TBC1D4: variants seen among roughly 807,000 people sequenced by gnomAD.
TBC1D4 encodes the protein TBC1 domain family member 4.
TBC1D4 carries 121 observed loss-of-function variants against 142.5 expected under a neutral mutation model. The observed-to-expected ratio is 0.85, with a 90% CI of 0.73 to 0.99. The LOEUF (loss-of-function observed/expected upper bound fraction) is 0.99, where lower values mean the gene tolerates loss of function less well. TBC1D4 is among the 50% of genes least tolerant of loss of function. TBC1D4 has a pLI of 0.00. For missense variants in TBC1D4, 1,475 were observed against 1,606.6 expected (o/e 0.92, Z 1.40); for synonymous variants, 630 against 628.2 (o/e 1.00, Z -0.04).
intron 8 of TBC1D4, among the ~76,000 whole-genome samples, chr13:75,329,731 C>A (rs1286584717): frequency 1.3e-5 from 2 of 152,154 alleles, no homozygotes; most frequent in African/African-American, 4.8e-5. Context: ...ATGTACATGT[C>A]CATAAATGTC....
chr13:75,456,329 T>C (rs1231486984), intron 1 of TBC1D4, among the ~76,000 whole-genome samples: 3 of 152,188 alleles, frequency 2.0e-5, no homozygotes, highest in African/African-American at 7.2e-5. Context: ...GACTGATAAA[T>C]TGTATTTCAT....
intron 1 of TBC1D4, among the ~76,000 whole-genome samples, chr13:75,425,381 T>C (rs1886336594): frequency 6.6e-6 from 1 of 152,172 alleles, no homozygotes; most frequent in Non-Finnish European, 1.5e-5. Context: ...TTGGCCAGGA[T>C]GTAAATTAGT....
At chr13:75,430,005 G>A (rs1367454681) in intron 1 of TBC1D4, among the ~76,000 whole-genome samples, 1 of 152,148 alleles carries the variant, frequency 6.6e-6, no homozygotes, top group Non-Finnish European at 1.5e-5. Flanking sequence ...GAATGAGCAA[G>A]ACTAGATAAA....
chr13:75,365,379 A>T (rs1424547354), intron 1 of TBC1D4, among the ~76,000 whole-genome samples: 1 of 151,352 alleles, frequency 6.6e-6, no homozygotes, highest in Non-Finnish European at 1.5e-5. Flanking sequence ...GAGTATAAAC[A>T]CTAGCATTAT....
At chr13:75,378,031 G>A (rs1411554412) in intron 1 of TBC1D4, among the ~76,000 whole-genome samples, 2 of 151,980 alleles carry the variant, frequency 1.3e-5, no homozygotes, top group East Asian at 3.8e-4. Context: ...TACAATTACT[G>A]TAATATGTTA....
chr13:75,302,141 A>C (rs1876628505), intron 16 of TBC1D4, 102 bp downstream of exon 16: 1 of 1,409,320 alleles, frequency 7.1e-7, no homozygotes, highest in Non-Finnish European at 9.9e-7. Context: ...ATATGCCAAC[A>C]GGTGCTCTTT....
chr13:75,290,760 G>A (rs1875208569), intron 19 of TBC1D4, among the ~76,000 whole-genome samples: 1 of 152,048 alleles, frequency 6.6e-6, no homozygotes, highest in African/African-American at 2.4e-5. Flanking sequence ...GGTTATATTT[G>A]CTCCTAAAAT....
intron 1 of TBC1D4, among the ~76,000 whole-genome samples, chr13:75,410,495 C>T (rs1328495927): frequency 7.2e-5 from 11 of 152,218 alleles, no homozygotes; most frequent in African/African-American, 2.7e-4. Flanking sequence ...AAACTCCACA[C>T]GTGCTGTATT....
chr13:75,394,592 T>A (rs1286218709), intron 1 of TBC1D4, among the ~76,000 whole-genome samples: 2 of 118,414 alleles, frequency 1.7e-5, no homozygotes, highest in African/African-American at 5.5e-5. Context: ...TGCCAAAATA[T>A]AAACCTTATT....
chr13:75,481,223 T>C (rs2138367101), intron 1 of TBC1D4, 47 bp downstream of exon 1: 6 of 910,688 alleles, frequency 6.6e-6, no homozygotes, highest in South Asian at 1.3e-5. Context: ...TGCTCCCCGA[T>C]CCCCCAAGGC....
At chr13:75,308,283 A>G (rs1291378507) in intron 14 of TBC1D4, among the ~76,000 whole-genome samples, 1 of 152,198 alleles carries the variant, frequency 6.6e-6, no homozygotes, top group Non-Finnish European at 1.5e-5. Context: ...ATATAGTATA[A>G]CTGATCTCAG....
chr13:75,429,643 C>T (rs1019978881), intron 1 of TBC1D4, among the ~76,000 whole-genome samples: 2 of 151,850 alleles, frequency 1.3e-5, no homozygotes, highest in Admixed American at 1.3e-4. Flanking sequence ...CCCAAAAATG[C>T]TTTTAAAATT....
chr13:75,319,228 CTAGTGCGATACT>C (rs1878553928), intron 12 of TBC1D4, among the ~76,000 whole-genome samples: 1 of 152,152 alleles, frequency 6.6e-6, no homozygotes, highest in Non-Finnish European at 1.5e-5. Flanking sequence ...ACATCTCAGT[CTAGTGCGATACT>C]TAATATTATA....
chr13:75,435,644 G>A (rs957877469), intron 1 of TBC1D4, among the ~76,000 whole-genome samples: 2 of 152,088 alleles, frequency 1.3e-5, no homozygotes, highest in African/African-American at 4.8e-5. Flanking sequence ...GACACCCAGT[G>A]GCAACGAATA....
chr13:75,459,910 A>C (rs1048369120), intron 1 of TBC1D4, among the ~76,000 whole-genome samples: 4 of 152,214 alleles, frequency 2.6e-5, no homozygotes, highest in African/African-American at 9.6e-5. Flanking sequence ...TGGGAAGCTG[A>C]GGTGGGCGGA....
intron 1 of TBC1D4, among the ~76,000 whole-genome samples, chr13:75,408,565 T>G (rs1885450194): frequency 6.6e-6 from 1 of 152,232 alleles, no homozygotes. Context: ...AGTTACGTTT[T>G]CATTTCTCTT....
At chr13:75,431,256 T>C (rs10507830) in intron 1 of TBC1D4, among the ~76,000 whole-genome samples, 6,074 of 152,348 alleles carry the variant, frequency 0.04, 151 homozygotes, top group Non-Finnish European at 0.049. Flanking sequence ...TTTGTTTCCA[T>C]GCAATTTTCA....
rs527278346 is a variant in TBC1D4, at chr13:75,301,577, G to A, written c.2911+666C>T. 9.9e-5 allele frequency among the ~76,000 whole-genome samples: 15 copies of A among 151,930 alleles called. 1 individual carries two copies. The highest frequency in any genetic ancestry group is 2.1e-4 in the South Asian group (1 of 4,790). On this transcript the variant is annotated intron_variant, in intron 16 of 20. Transcript: ENST00000377636. ...GGAGAATGGCATGAACCTGGGAGGC[G>A]GAGCTTGCAGTGAGCAGAGATCGTG...
intron 1 of TBC1D4, among the ~76,000 whole-genome samples, chr13:75,369,991 A>G (rs868762525): frequency 3.9e-5 from 6 of 152,324 alleles, no homozygotes; most frequent in Middle Eastern, 6.8e-3. Context: ...GGAAGGCAGA[A>G]ATTTGGAAAG....
Sources: allele counts gnomAD v4.1 joint callset (sites outside exome capture counted in the v4.1 genomes callset), GRCh38; gene constraint gnomAD v4.1.1; transcripts MANE v1.5; gene names NCBI Gene and HGNC (gene_info 2026-07-23, HGNC 2026-07-21).